The following SLC30A8 variants were observed in gnomAD, a reference collection of about 807,000 sequenced individuals.
The protein encoded by SLC30A8 is solute carrier family 30 member 8, also known as proton-coupled zinc antiporter SLC30A8.
A neutral mutation model predicts 36.9 loss-of-function variants in SLC30A8; 27 were observed. The ratio of observed to expected loss-of-function variants is 0.73; its 90% CI spans 0.54 to 1.01. SLC30A8 has a LOEUF of 1.01. Ranked by LOEUF, SLC30A8 falls within the 50% of genes least tolerant of loss-of-function variation. The pLI is 0.00. For missense variants in SLC30A8, 439 were observed against 452.0 expected (o/e 0.97, Z 0.26); for synonymous variants, 164 against 172.4 (o/e 0.95, Z 0.38).
At chr8:117,040,860 T>G (rs1307709782) in intron 2 of SLC30A8, among the ~76,000 whole-genome samples, 3 of 152,128 alleles carry the variant, frequency 2.0e-5, no homozygotes, top group Non-Finnish European at 2.9e-5. Context: ...CCCCTATACA[T>G]AGATCTCCTG....
intron 1 of SLC30A8, among the ~76,000 whole-genome samples, chr8:116,960,624 C>T (rs1814385987): frequency 6.6e-6 from 1 of 152,234 alleles, no homozygotes; most frequent in Admixed American, 6.5e-5. Flanking sequence ...TTTATTTATA[C>T]ATCCAGTTAT....
chr8:117,102,450 A>G (rs1221096120), intron 2 of SLC30A8, among the ~76,000 whole-genome samples: 2 of 152,154 alleles, frequency 1.3e-5, no homozygotes, highest in Non-Finnish European at 1.5e-5. Context: ...TTAGCATTTT[A>G]TCTCTCATCA....
intron 2 of SLC30A8, among the ~76,000 whole-genome samples, chr8:117,110,917 C>T (rs1820200802): frequency 1.3e-5 from 2 of 152,070 alleles, no homozygotes; most frequent in African/African-American, 4.8e-5. Context: ...GGTGATTAGC[C>T]TTAAAACAGG....
chr8:117,087,428 G>C (rs1188735294), intron 2 of SLC30A8, among the ~76,000 whole-genome samples: 1 of 152,088 alleles, frequency 6.6e-6, no homozygotes, highest in Non-Finnish European at 1.5e-5. Flanking sequence ...ATCTGAGGTG[G>C]CTCATCATTT....
intron 1 of SLC30A8, among the ~76,000 whole-genome samples, chr8:117,144,267 T>G (rs1821798726): frequency 6.6e-6 from 1 of 152,168 alleles, no homozygotes; most frequent in Admixed American, 6.5e-5. Context: ...AATACTTTAT[T>G]TGTTACTTTC....
intron 1 of SLC30A8, among the ~76,000 whole-genome samples, chr8:117,029,949 G>C (rs2130737772): frequency 6.6e-6 from 1 of 152,252 alleles, no homozygotes; most frequent in Middle Eastern, 3.4e-3. Context: ...TCCTAATGGT[G>C]CAATGTTTGT....
At chr8:116,982,516 G>T (rs1815302940) in intron 1 of SLC30A8, among the ~76,000 whole-genome samples, 1 of 152,080 alleles carries the variant, frequency 6.6e-6, no homozygotes, top group African/African-American at 2.4e-5. Flanking sequence ...TACAATAAAT[G>T]TGAGCTACAC....
intron 2 of SLC30A8, among the ~76,000 whole-genome samples, chr8:117,069,438 T>TGAC (rs1818263273): frequency 6.6e-6 from 1 of 152,310 alleles, no homozygotes; most frequent in African/African-American, 2.4e-5. Context: ...ATGATGAGTT[T>TGAC]TATATTATAA....
chr8:117,099,293 T>C (rs188222463), intron 2 of SLC30A8, among the ~76,000 whole-genome samples: 1 of 152,250 alleles, frequency 6.6e-6, no homozygotes, highest in African/African-American at 2.4e-5. Flanking sequence ...GATCTCTGAA[T>C]GGCTGGCTTC....
intron 1 of SLC30A8, among the ~76,000 whole-genome samples, chr8:116,966,090 G>A (rs983491223): frequency 6.6e-6 from 1 of 152,024 alleles, no homozygotes; most frequent in Non-Finnish European, 1.5e-5. Context: ...CACCATGTTA[G>A]CCAGGCTGGT....
At chr8:116,959,622 T>C (rs1814347068) in intron 1 of SLC30A8, among the ~76,000 whole-genome samples, 1 of 152,228 alleles carries the variant, frequency 6.6e-6, no homozygotes, top group African/African-American at 2.4e-5. Flanking sequence ...TTTGATCCTT[T>C]CAGTTTCTGC....
intron 2 of SLC30A8, among the ~76,000 whole-genome samples, chr8:117,044,513 G>GCTCCTCC (rs1817485079): frequency 6.6e-6 from 1 of 152,172 alleles, no homozygotes; most frequent in Non-Finnish European, 1.5e-5. Context: ...GTTTGGAGGA[G>GCTCCTCC]AAAGCCAAAG....
At chr8:117,092,179 C>G (rs1217479495) in intron 2 of SLC30A8, among the ~76,000 whole-genome samples, 1 of 152,110 alleles carries the variant, frequency 6.6e-6, no homozygotes, top group Non-Finnish European at 1.5e-5. Flanking sequence ...TTCAACTGTT[C>G]TGGTAAAAAC....
At chr8:116,975,299 C>G (rs1279885750) in intron 1 of SLC30A8, among the ~76,000 whole-genome samples, 6 of 152,128 alleles carry the variant, frequency 3.9e-5, no homozygotes, top group Non-Finnish European at 2.9e-5. Context: ...CTGCTTAGCT[C>G]TGGGATAGTA....
At chr8:117,089,246 A>AT in intron 2 of SLC30A8, among the ~76,000 whole-genome samples, 1 of 152,206 alleles carries the variant, frequency 6.6e-6, no homozygotes, top group South Asian at 2.1e-4. Flanking sequence ...TTCTCTAAAT[A>AT]TTTTTTCTAG....
chr8:116,977,141 C>CTTTTTTTTTTTTTTTTTTTTTTTT (rs71305451), intron 1 of SLC30A8, among the ~76,000 whole-genome samples: 1 of 59,094 alleles, frequency 1.7e-5, no homozygotes, highest in African/African-American at 7.3e-5. Context: ...CTTTTTCTTG[C>CTTTTTTTTTTTTTTTTTTTTTTTT]TTTTTTTTTT....
intron 1 of SLC30A8, among the ~76,000 whole-genome samples, chr8:116,960,899 A>G (rs1407413331): frequency 6.6e-6 from 1 of 152,090 alleles, no homozygotes; most frequent in African/African-American, 2.4e-5. Context: ...TTTGCATGCT[A>G]TTGTGACTTG....
At chr8:117,019,267 G>C (rs757780701) in intron 1 of SLC30A8, among the ~76,000 whole-genome samples, 1 of 152,170 alleles carries the variant, frequency 6.6e-6, no homozygotes, top group African/African-American at 2.4e-5. Context: ...CTGAATCAAT[G>C]TATATAACAA....
At chr8:117,149,826 C>A (rs1461920775) in intron 2 of SLC30A8, among the ~76,000 whole-genome samples, 2 of 152,128 alleles carry the variant, frequency 1.3e-5, no homozygotes, top group Non-Finnish European at 2.9e-5. Flanking sequence ...CCTTTTTCAG[C>A]CCGCTTATTT....
Sources: gnomAD v4.1 joint callset for allele counts (sites outside exome capture counted in the v4.1 genomes callset) on GRCh38, gnomAD v4.1.1 for gene constraint, MANE v1.5 for transcripts, NCBI Gene and HGNC (gene_info 2026-07-23, HGNC 2026-07-21) for gene names.